The following FHIP2B variants were observed in gnomAD, a reference collection of about 807,000 sequenced individuals.
The protein encoded by FHIP2B is FHF complex subunit HOOK interacting protein 2B, also known as FHF complex subunit HOOK-interacting protein 2B.
A neutral mutation model predicts 84.0 loss-of-function variants in FHIP2B; 72 were observed. That is an observed-to-expected ratio of 0.86 (90% CI 0.71 to 1.04). The LOEUF (loss-of-function observed/expected upper bound fraction) is 1.04, where lower values mean the gene tolerates loss of function less well. FHIP2B is among the 50% of genes least tolerant of loss of function. FHIP2B has a pLI of 0.00. For synonymous variants in FHIP2B, 497 were observed against 418.7 expected (o/e 1.19, Z -2.28); for missense variants, 972 against 968.9 (o/e 1.00, Z -0.04).
chr8:22,095,561 A>G (rs1825720254), intron 2 of FHIP2B: 1 of 152,282 alleles, frequency 6.6e-6, no homozygotes, highest in South Asian at 2.1e-4. Flanking sequence ...GTAAGATCAG[A>G]TCAGAACTGG....
intron 3 of FHIP2B, chr8:22,096,817 TCACTC>T (rs898726773): frequency 1.9e-5 from 5 of 263,558 alleles, no homozygotes; most frequent in South Asian, 1.8e-4. Flanking sequence ...TGTTCCCAGT[TCACTC>T]CACAAAGATG....
rs534378255 is a variant in FHIP2B at position 22,103,924 on chromosome 8, G to C, written c.*993G>C. ...GCTGGGCTGCCACCCCACCCGGCCC[G>C]AATCTGTCTTGACCTGCAGGAATAC... On this transcript the variant is annotated 3_prime_UTR_variant, in exon 17 of 17. Coordinates refer to ENST00000289921, the MANE Select transcript of FHIP2B (RefSeq NM_022749.7). 6.5e-6 allele frequency: 1 copy of C among 152,694 alleles called. No individual in the cohort carries two copies. Among genetic ancestry groups the C allele is most frequent in the Non-Finnish European group, 1.5e-5 (1 of 68,110 alleles). The allele number at this position is 152,694 out of a possible 1,614,324, so 9.5% of individuals were successfully genotyped here. A position where few individuals can be genotyped will look rare whatever the true frequency, so the allele number is the denominator to read the frequency against.
intron 10 of FHIP2B, 64 bp downstream of exon 10, chr8:22,099,957 C>T: frequency 1.4e-6 from 2 of 1,474,308 alleles, no homozygotes; most frequent in Admixed American, 2.8e-5. Flanking sequence ...TTCCTGAACA[C>T]TCTTCCCATT....
At chr8:22,091,750 C>G (rs537382856) in intron 1 of FHIP2B, among the ~76,000 whole-genome samples, 1 of 152,248 alleles carries the variant, frequency 6.6e-6, no homozygotes, top group Admixed American at 6.5e-5. Flanking sequence ...TTTTCAAAGA[C>G]TATAAGCCAA....
At position 22,101,927 on chromosome 8, in the gene FHIP2B, G is replaced by GGGTTGCCTCTGCTTC. The variant is rs1401887665; in HGVS notation, c.1851+81_1851+95dup. ...CCTTCAAGAGCAGAGGTTGGCCACA[G>GGGTTGCCTCTGCTTC]GGTTGCCTCTGCTTCGGTTCTTTGG... On this transcript the variant is annotated intron_variant, in intron 14 of 16. Coordinates refer to ENST00000289921, the MANE Select transcript of FHIP2B (RefSeq NM_022749.7). 1.9e-6 allele frequency: 3 copies of GGGTTGCCTCTGCTTC among 1,559,082 alleles called. No homozygotes were observed. In the African/African-American group the frequency reaches 4.1e-5, roughly 21 times the overall value.
At chr8:22,092,693 G>A (rs1825558698) in intron 1 of FHIP2B, among the ~76,000 whole-genome samples, 2 of 151,494 alleles carry the variant, frequency 1.3e-5, no homozygotes, top group African/African-American at 4.9e-5. Flanking sequence ...AGTCTCGCCA[G>A]CCCACCCCTT....
Position 22,100,641 on chromosome 8 carries a change from C to T in FHIP2B, c.1389C>T (p.Pro463=), listed in dbSNP as rs1301773642. ...LRLFEELLQK[P]HEGIIHSLVL... is the part of the protein sequence containing the mutation. ...TGTTTGAGGAGCTGCTGCAGAAGCC[C>T]CACGAGGGGATCATCCACAGCCTGG... The change falls in exon 11 of 17, where the codon CCC becomes CCT. Residue 463 remains proline (P), a synonymous_variant. Transcript: ENST00000289921. The T allele has an allele frequency of 6.3e-7, 1 of 1,598,914 alleles. No individual in the cohort carries two copies.
chr8:22,097,496 C>T lies in FHIP2B; in HGVS notation c.298-20C>T, dbSNP rs373412594. 2,551 of 1,579,078 alleles carry T rather than the reference C, an allele frequency of 1.6e-3. 33 individuals carry two copies. The highest frequency in any genetic ancestry group is 7.5e-3 in the South Asian group (645 of 86,274). On this transcript the variant is annotated intron_variant, in intron 3 of 16. Transcript: ENST00000289921. ...AGGCAGGGGACACGGCTCTGACAGG[C>T]GCTCTGTCCCTGGCCTCAGTACCCC...
At chr8:22,090,861 G>T (rs1406927643) in intron 1 of FHIP2B, among the ~76,000 whole-genome samples, 1 of 152,140 alleles carries the variant, frequency 6.6e-6, no homozygotes, top group Non-Finnish European at 1.5e-5. Flanking sequence ...CTGGCCTCAA[G>T]CGATCCTTAG....
rs964537913 is a variant in FHIP2B, at chr8:22,102,943, G to A, written c.*12G>A. 8 of 1,611,608 alleles carry A rather than the reference G, an allele frequency of 5.0e-6. No homozygotes were observed. In the African/African-American group the frequency reaches 1.1e-4, roughly 22 times the overall value. ...AAGGGCAGGTCTGAGCCAGCACCAG[G>A]GCGGTGGGAGACTCCTGTCCACACC... is the stretch of plus-strand genomic sequence containing the variant. On this transcript the variant is annotated 3_prime_UTR_variant, in exon 17 of 17. Transcript: ENST00000289921.
Position 22,098,994 on chromosome 8 carries a change from G to T in FHIP2B, c.1012G>T (p.Ala338Ser), listed in dbSNP as rs377442274. 1 of 1,608,420 alleles carries T rather than the reference G, an allele frequency of 6.2e-7. No individual in the cohort carries two copies. The highest frequency in any genetic ancestry group is 8.5e-7 in the Non-Finnish European group (1 of 1,177,406). ...TGAGGCTTCCTTCCCTGGCAAGGAG[G>T]CCTTGGCTGCCTTCTTGGGCTGGTT... Reference protein sequence around the residue: ...SDEASFPGKEALAAFLGWFDY... With the variant: ...SDEASFPGKESLAAFLGWFDY... Residue 338 changes from alanine (A) to serine (S), a missense_variant, in exon 8 of 17, where the codon GCC (alanine) becomes TCC (serine). By Grantham distance (99) the Ala-to-Ser change is moderately conservative. Coordinates refer to ENST00000289921, the MANE Select transcript of FHIP2B (RefSeq NM_022749.7).
At chr8:22,099,478 C>A in intron 9 of FHIP2B, 118 bp downstream of exon 9, 1 of 1,210,932 alleles carries the variant, frequency 8.3e-7, no homozygotes. Flanking sequence ...TTTGTGGACC[C>A]CATTGGGTGA....
chr8:22,090,134 G>T (rs2131676314), intron 1 of FHIP2B, among the ~76,000 whole-genome samples: 1 of 127,862 alleles, frequency 7.8e-6, no homozygotes, highest in East Asian at 2.8e-4. Context: ...TAGGAAGGGT[G>T]GGGGTATTCC....
chr8:22,094,553 GA>G (rs1488393251), intron 2 of FHIP2B, 35 bp downstream of exon 2: 1 of 1,608,878 alleles, frequency 6.2e-7, no homozygotes, highest in Non-Finnish European at 8.5e-7. Context: ...AGGGACCCTG[GA>G]GGGAGCGGGG....
chr8:22,098,737 C>T (rs1288885642), intron 7 of FHIP2B, 118 bp downstream of exon 7: 1 of 1,129,178 alleles, frequency 8.9e-7, no homozygotes, highest in African/African-American at 1.6e-5. Flanking sequence ...TGGCCACCCT[C>T]TCCCCAAGGC....
Position 22,104,303 on chromosome 8 carries a change from C to G in FHIP2B, c.*1372C>G, listed in dbSNP as rs1004226566. On this transcript the variant is annotated 3_prime_UTR_variant, in exon 17 of 17. Coordinates refer to ENST00000289921, the MANE Select transcript of FHIP2B (RefSeq NM_022749.7). ...GAGGGTTTGGGAGTCACAGACCCTCCCCTCTCCTCAGTGCACTTTGGCATT... is the reference window on the plus strand; with the variant it reads ...GAGGGTTTGGGAGTCACAGACCCTCGCCTCTCCTCAGTGCACTTTGGCATT... 1.3e-5 allele frequency: 2 copies of G among 151,874 alleles called. No homozygotes were observed. Among genetic ancestry groups the G allele is most frequent in the African/African-American group, 4.9e-5 (2 of 40,900 alleles). The allele number at this position is 151,874 out of a possible 1,614,324, so 9.4% of individuals were successfully genotyped here.
chr8:22,103,703 CA>C lies in FHIP2B; in HGVS notation c.*773del, dbSNP rs1185718777. The stretch of plus-strand genomic sequence containing the variant: ...CAGCACCTGGGCAGAGGTCAGAGAC[CA>C]GGGGAGGCCGGGCCTTGCCCTCCCT... On this transcript the variant is annotated 3_prime_UTR_variant, in exon 17 of 17. Coordinates refer to ENST00000289921, the MANE Select transcript of FHIP2B (RefSeq NM_022749.7). 3 of 152,334 alleles carry C rather than the reference CA, an allele frequency of 2.0e-5. No homozygotes were observed. The highest frequency in any genetic ancestry group is 2.0e-4 in the Admixed American group (3 of 15,288). 9.4% of individuals were successfully genotyped at this position (152,334 alleles called of 1,614,324 possible).
In FHIP2B at chr8:22,098,635, G is replaced by C; in HGVS notation, c.965+16G>C. Reference sequence around the variant, plus strand: ...TCAGCTGGAGGTGGGTGCCCAGCCCGGGAAGGCCGGCCAGCATCTTCAGTT... The same window carrying C: ...TCAGCTGGAGGTGGGTGCCCAGCCCCGGAAGGCCGGCCAGCATCTTCAGTT... On this transcript the variant is annotated intron_variant, in intron 7 of 16. Coordinates refer to ENST00000289921, the MANE Select transcript of FHIP2B (RefSeq NM_022749.7). The C allele has an allele frequency of 6.5e-7, 1 of 1,529,398 alleles. No homozygotes were observed. The allele number at this position is 1,529,398 out of a possible 1,614,324, so 94.7% of individuals were successfully genotyped here.
intron 1 of FHIP2B, among the ~76,000 whole-genome samples, chr8:22,092,889 C>G (rs2131686311): frequency 6.6e-6 from 1 of 152,358 alleles, no homozygotes; most frequent in East Asian, 1.9e-4. Flanking sequence ...CGGCCTCACA[C>G]TACTTCCTTG....
Sources: allele counts gnomAD v4.1 joint callset (sites outside exome capture counted in the v4.1 genomes callset), GRCh38; gene constraint gnomAD v4.1.1; transcripts MANE v1.5; gene names NCBI Gene and HGNC (gene_info 2026-07-23, HGNC 2026-07-21).